Variants in ANTXR2 observed in about 807,000 individuals in gnomAD.
ANTXR2 encodes ANTXR cell adhesion molecule 2, also known as anthrax toxin receptor 2.
ANTXR2 carries 44 observed loss-of-function variants against 73.7 expected under a neutral mutation model. That is an observed-to-expected ratio of 0.60 (90% CI 0.47 to 0.77). ANTXR2 has a LOEUF of 0.77. Ranked by LOEUF, ANTXR2 falls within the 30% of genes least tolerant of loss-of-function variation. The probability of loss-of-function intolerance (pLI) is 0.00; values close to 1 mark genes in which losing one functional copy is unlikely to be tolerated. For synonymous variants in ANTXR2, 217 were observed against 205.9 expected (o/e 1.05, Z -0.46); for missense variants, 604 against 592.5 (o/e 1.02, Z -0.20).
At chr4:79,959,845 G>A (rs1400106672) in intron 16 of ANTXR2, among the ~76,000 whole-genome samples, 1 of 152,192 alleles carries the variant, frequency 6.6e-6, no homozygotes, top group Non-Finnish European at 1.5e-5. Flanking sequence ...AGGGAAGGTC[G>A]CATTGTCTAA....
intron 7 of ANTXR2, among the ~76,000 whole-genome samples, chr4:80,053,616 C>G (rs1166405370): frequency 6.6e-6 from 1 of 151,552 alleles, no homozygotes; most frequent in Non-Finnish European, 1.5e-5. Context: ...TTAATAGCAA[C>G]TGTTCCCAGT....
intron 2 of ANTXR2, 67 bp from the exon 3 acceptor site, chr4:80,069,574 T>C (rs1021352704): frequency 2.4e-6 from 3 of 1,260,258 alleles, no homozygotes; most frequent in Non-Finnish European, 3.4e-6. Context: ...TACAGATGTA[T>C]AGTTAGGGAG....
intron 7 of ANTXR2, among the ~76,000 whole-genome samples, chr4:80,044,454 T>G (rs770601850): frequency 6.6e-6 from 1 of 151,976 alleles, no homozygotes; most frequent in African/African-American, 2.4e-5. Context: ...TAAAGTAATA[T>G]GGGATTTGTG....
At chr4:80,069,131 C>T (rs549801164) in intron 3 of ANTXR2, among the ~76,000 whole-genome samples, 1 of 152,138 alleles carries the variant, frequency 6.6e-6, no homozygotes, top group South Asian at 2.1e-4. Flanking sequence ...TATATCTAAA[C>T]AAGAAAAATG....
At chr4:80,011,276 T>A (rs1468761891) in intron 11 of ANTXR2, among the ~76,000 whole-genome samples, 1 of 60,640 alleles carries the variant, frequency 1.6e-5, no homozygotes, top group African/African-American at 3.3e-5. Flanking sequence ...TCTTGCTATC[T>A]ATCTATCTAT....
intron 12 of ANTXR2, among the ~76,000 whole-genome samples, chr4:79,987,425 A>C (rs1273665255): frequency 6.6e-6 from 1 of 152,156 alleles, no homozygotes; most frequent in Non-Finnish European, 1.5e-5. Context: ...GCAGGCAAAA[A>C]AAAATTAAGA....
chr4:79,936,893 A>G (rs1344171708), intron 16 of ANTXR2, among the ~76,000 whole-genome samples: 1 of 152,078 alleles, frequency 6.6e-6, no homozygotes, highest in Non-Finnish European at 1.5e-5. Context: ...GTACTAACCA[A>G]TGGTAAAAAC....
intron 11 of ANTXR2, among the ~76,000 whole-genome samples, chr4:80,014,540 T>C (rs1170325859): frequency 1.3e-5 from 2 of 152,044 alleles, no homozygotes; most frequent in Non-Finnish European, 2.9e-5. Flanking sequence ...CACTCCAGCC[T>C]ACCAACAGAA....
At chr4:80,069,598 T>A in intron 2 of ANTXR2, 91 bp from the exon 3 acceptor site, 1 of 1,002,386 alleles carries the variant, frequency 1.0e-6, no homozygotes, top group Non-Finnish European at 1.5e-6. Context: ...CATTTAAAAT[T>A]GGTCTCACTG....
intron 15 of ANTXR2, 144 bp from the exon 16 acceptor site, chr4:79,977,845 A>C: frequency 8.2e-7 from 1 of 1,214,880 alleles, no homozygotes; most frequent in Non-Finnish European, 1.1e-6. Context: ...ATAAAAACCT[A>C]GAGGTTCTTA....
At chr4:79,926,952 T>TACACACGTGCATATATGTGTATATATAC (rs141662949) in intron 16 of ANTXR2, among the ~76,000 whole-genome samples, 1 of 95,760 alleles carries the variant, frequency 1.0e-5, no homozygotes, top group African/African-American at 5.1e-5. Flanking sequence ...TGTGTATATA[T>TACACACGTGCATATATGTGTATATATAC]ACGTGTGCAT....
intron 16 of ANTXR2, among the ~76,000 whole-genome samples, chr4:79,973,927 A>T (rs1314013468): frequency 6.6e-6 from 1 of 152,200 alleles, no homozygotes; most frequent in Non-Finnish European, 1.5e-5. Flanking sequence ...AAGAAACATA[A>T]AGGCAAAACG....
At position 79,907,075 on chromosome 4, in the gene ANTXR2, T is replaced by C; in HGVS notation, c.*354A>G. 3.7e-6 allele frequency: 1 copy of C among 272,404 alleles called. No individual in the cohort carries two copies. The allele number at this position is 272,404 out of a possible 1,614,324, so 16.9% of individuals were successfully genotyped here. A position where few individuals can be genotyped will look rare whatever the true frequency, so the allele number is the denominator to read the frequency against. ...TCATGGCTAGTTGTTTTGTGGTCCTTGTTTTGGTATCATCTTCGTGTTGTT... is the reference window on the plus strand; with the variant it reads ...TCATGGCTAGTTGTTTTGTGGTCCTCGTTTTGGTATCATCTTCGTGTTGTT... On this transcript the variant is annotated 3_prime_UTR_variant, in exon 17 of 17. Coordinates refer to ENST00000403729, the MANE Select transcript of ANTXR2 (RefSeq NM_058172.6).
chr4:79,979,259 T>C (rs1447725173), intron 14 of ANTXR2, among the ~76,000 whole-genome samples: 4 of 152,132 alleles, frequency 2.6e-5, no homozygotes, highest in Non-Finnish European at 4.4e-5. Flanking sequence ...GAAGAGCTTG[T>C]CCAACCAGGA....
In ANTXR2 at chr4:80,020,317, T is replaced by A. The variant is rs557240397; in HGVS notation, c.867-1341A>T. On this transcript the variant is annotated intron_variant, in intron 10 of 16. Transcript: ENST00000403729. The stretch of plus-strand genomic sequence containing the variant: ...AGGAGGATCGCTTGAGCCTGGGAGG[T>A]TGAGGCTGCAGTCATCTCTGATTGA... Among the ~76,000 whole-genome samples, 151 of 152,042 alleles carry A rather than the reference T, an allele frequency of 9.9e-4. 1 individual carries two copies. The Middle Eastern group carries it at 0.02, about 21-fold the overall frequency.
chr4:79,979,751 G>GATAAACTA (rs754033575), intron 14 of ANTXR2, among the ~76,000 whole-genome samples: 3 of 151,916 alleles, frequency 2.0e-5, no homozygotes, highest in Non-Finnish European at 4.4e-5. Flanking sequence ...TCATCACCTG[G>GATAAACTA]ATAAACTAAC....
At chr4:80,060,895 T>C (rs1734219259) in intron 3 of ANTXR2, among the ~76,000 whole-genome samples, 1 of 152,112 alleles carries the variant, frequency 6.6e-6, no homozygotes, top group Admixed American at 6.5e-5. Context: ...GTGCATTGAA[T>C]GAGCAGTTCT....
intron 16 of ANTXR2, chr4:79,977,389 C>A: frequency 1.2e-6 from 1 of 839,748 alleles, no homozygotes; most frequent in Non-Finnish European, 1.7e-6. Context: ...TACAAATGAC[C>A]AGAATTGTAA....
In ANTXR2 at chr4:79,928,499, C is replaced by T. The variant is rs185943299; in HGVS notation, c.1429-21032G>A. ...TCGTATATTTAAAAATTATTCAAAT[C>T]GTAAGTCTTATGTTATACATGTTTT... On this transcript the variant is annotated intron_variant, in intron 16 of 16. Coordinates refer to ENST00000403729, the MANE Select transcript of ANTXR2 (RefSeq NM_058172.6). 1.6e-3 allele frequency among the ~76,000 whole-genome samples: 242 copies of T among 152,042 alleles called. 1 individual carries two copies. The highest frequency in any genetic ancestry group is 5.5e-3 in the African/African-American group (227 of 41,508).
Sources: gnomAD v4.1 joint callset for allele counts (sites outside exome capture counted in the v4.1 genomes callset) on GRCh38, gnomAD v4.1.1 for gene constraint, MANE v1.5 for transcripts, NCBI Gene and HGNC (gene_info 2026-07-23, HGNC 2026-07-21) for gene names.